PHACTR4: variants seen among roughly 807,000 people sequenced by gnomAD.
PHACTR4 encodes the protein phosphatase and actin regulator 4, also known as protein phosphatase 1, regulatory subunit 124.
PHACTR4 carries 51 observed loss-of-function variants against 72.7 expected under a neutral mutation model. That is an observed-to-expected ratio of 0.70 (90% confidence interval 0.56 to 0.89). PHACTR4 has a LOEUF of 0.89. Among genes scored for constraint, PHACTR4 ranks in the 40% least tolerant of loss-of-function variants. PHACTR4 has a pLI of 0.00. For missense variants in PHACTR4, 731 were observed against 861.8 expected (o/e 0.85, Z 1.90); for synonymous variants, 255 against 302.5 (o/e 0.84, Z 1.63).
At position 28,492,806 on chromosome 1, in the gene PHACTR4, C is replaced by G. The variant is rs532807011; in HGVS notation, c.2017-209C>G. ...CAAAACTATAAAAGCTACAATATAT[C>G]TTTCAAGATTTTCAAGTATTTTGAT... On this transcript the variant is annotated intron_variant, in intron 12 of 13. Transcript: ENST00000373839. Among the ~76,000 whole-genome samples, 42 of 152,266 alleles carry G rather than the reference C, an allele frequency of 2.8e-4. 1 individual carries two copies. The South Asian group carries it at 8.7e-3, about 32-fold the overall frequency.
At chr1:28,454,821 A>G (rs1298492165) in intron 2 of PHACTR4, among the ~76,000 whole-genome samples, 3 of 152,188 alleles carry the variant, frequency 2.0e-5, no homozygotes, top group African/African-American at 7.2e-5. Context: ...TATTTGAGAT[A>G]TATAGGAAAA....
At chr1:28,382,941 C>T (rs947858114) in intron 1 of PHACTR4, among the ~76,000 whole-genome samples, 6 of 152,036 alleles carry the variant, frequency 3.9e-5, no homozygotes, top group East Asian at 1.9e-4. Context: ...CTACAGGCCC[C>T]GCCACCATGT....
At chr1:28,375,246 C>G (rs1651554573) in intron 1 of PHACTR4, among the ~76,000 whole-genome samples, 1 of 152,012 alleles carries the variant, frequency 6.6e-6, no homozygotes, top group Non-Finnish European at 1.5e-5. Context: ...TTGCAGTGAG[C>G]AGAGATTGTG....
rs567564119 is a variant in PHACTR4, at chr1:28,476,543, AT to A, written c.1606+269del. On this transcript the variant is annotated intron_variant, in intron 8 of 13. Coordinates refer to ENST00000373839, the MANE Select transcript of PHACTR4 (RefSeq NM_001048183.3). ...AGGTTTTTTGTTTTTTTTTGTTTTA[AT>A]TTTTTTTTTTTTTTTTGGACAAGGT... 7.6e-3 allele frequency among the ~76,000 whole-genome samples: 1,013 copies of A among 133,250 alleles called. 1 individual carries two copies. Among genetic ancestry groups the A allele is most frequent in the Non-Finnish European group, 0.012 (718 of 61,296 alleles). The allele number at this position is 133,250 out of a possible 152,430, so 87.4% of individuals were successfully genotyped here.
chr1:28,438,302 C>T (rs1656763759), intron 2 of PHACTR4: 1 of 1,565,374 alleles, frequency 6.4e-7, no homozygotes, highest in Non-Finnish European at 8.7e-7. Context: ...CATGTCCCCT[C>T]TTTATGTGGA....
At chr1:28,433,923 GGCT>G (rs1287863920) in intron 2 of PHACTR4, among the ~76,000 whole-genome samples, 1 of 152,100 alleles carries the variant, frequency 6.6e-6, no homozygotes, top group Non-Finnish European at 1.5e-5. Flanking sequence ...TGGGATTACA[GGCT>G]CCCGCCACCA....
At chr1:28,459,407 T>TC (rs1451228072) in intron 3 of PHACTR4, 149 bp downstream of exon 3, 1 of 752,406 alleles carries the variant, frequency 1.3e-6, no homozygotes, top group African/African-American at 1.8e-5. Flanking sequence ...TTTTTTTTTT[T>TC]TTTTTTTTTG....
chr1:28,448,281 C>T (rs571273593), intron 2 of PHACTR4, among the ~76,000 whole-genome samples: 3 of 151,646 alleles, frequency 2.0e-5, no homozygotes, highest in African/African-American at 4.8e-5. Context: ...TTTGGGAGGT[C>T]GAAGCGGATA....
intron 2 of PHACTR4, chr1:28,457,226 GAA>G (rs748525800): frequency 3.5e-5 from 14 of 398,686 alleles, no homozygotes; most frequent in Non-Finnish European, 7.2e-5. Context: ...AAAAAAGATT[GAA>G]TTTGGCAGTT....
chr1:28,466,412 C>T lies in PHACTR4; in HGVS notation c.467C>T (p.Ala156Val), dbSNP rs773971454. Residue 156 changes from alanine (A) to valine (V), a missense_variant, in exon 6 of 14, where the codon GCA becomes GTA. By Grantham distance (64) the Ala-to-Val change is moderately conservative. Transcript: ENST00000373839. ...ACTGGAAGCCAGCCTAATTCTGAAG[C>T]AGAGTCTGTTCCTGAGAATGTACCC... is the stretch of plus-strand genomic sequence containing the variant. Reference protein sequence around the residue: ...GSTGSQPNSEAESVPENVPKP... With the variant: ...GSTGSQPNSEVESVPENVPKP... 1 of 1,612,778 alleles carries T rather than the reference C, an allele frequency of 6.2e-7. No homozygotes were observed. Among genetic ancestry groups the T allele is most frequent in the South Asian group, 1.1e-5 (1 of 91,066 alleles).
chr1:28,393,627 AT>A (rs1360130219), intron 1 of PHACTR4, among the ~76,000 whole-genome samples: 2 of 152,144 alleles, frequency 1.3e-5, no homozygotes, highest in African/African-American at 4.8e-5. Context: ...AAATGACTAT[AT>A]TACTGGTTTA....
At chr1:28,425,731 T>C (rs1039204104) in intron 2 of PHACTR4, among the ~76,000 whole-genome samples, 7 of 152,224 alleles carry the variant, frequency 4.6e-5, no homozygotes, top group African/African-American at 1.4e-4. Context: ...TCTTTCTCAC[T>C]CACTTAAAGT....
chr1:28,417,762 G>A (rs939990733), intron 2 of PHACTR4, among the ~76,000 whole-genome samples: 1 of 152,182 alleles, frequency 6.6e-6, no homozygotes, highest in African/African-American at 2.4e-5. Flanking sequence ...ATATCAATCA[G>A]TATAGCAGAG....
intron 1 of PHACTR4, among the ~76,000 whole-genome samples, chr1:28,380,051 C>CTTTTTTTT (rs1227241664): frequency 2.6e-5 from 3 of 117,294 alleles, no homozygotes; most frequent in Non-Finnish European, 5.1e-5. Context: ...TTAAATGTAA[C>CTTTTTTTT]TTTTTTTTTT....
Position 28,498,443 on chromosome 1 carries a change from CT to C in PHACTR4, c.*1895del, listed in dbSNP as rs1416208126. ...GTGCTGGGGCATTGACTCAGCCCCC[CT>C]GCTTTCTGCATTTGTAATAGATATT... On this transcript the variant is annotated 3_prime_UTR_variant, in exon 14 of 14. Coordinates refer to ENST00000373839, the MANE Select transcript of PHACTR4 (RefSeq NM_001048183.3). The C allele has an allele frequency of 6.6e-6, 1 of 152,272 alleles. No homozygotes were observed. Among genetic ancestry groups the C allele is most frequent in the African/African-American group, 2.4e-5 (1 of 41,458 alleles). The allele number at this position is 152,272 out of a possible 1,614,324, so 9.4% of individuals were successfully genotyped here. A position where few individuals can be genotyped will look rare whatever the true frequency, so the allele number is the denominator to read the frequency against.
intron 2 of PHACTR4, among the ~76,000 whole-genome samples, chr1:28,449,288 A>G (rs2124437909): frequency 6.6e-6 from 1 of 152,256 alleles, no homozygotes; most frequent in Admixed American, 6.5e-5. Context: ...CGCGCCCATT[A>G]ATAGCCACTG....
chr1:28,443,124 A>G (rs1657159957), intron 2 of PHACTR4, among the ~76,000 whole-genome samples: 1 of 151,482 alleles, frequency 6.6e-6, no homozygotes, highest in Non-Finnish European at 1.5e-5. Flanking sequence ...TGTACTTTTT[A>G]CTCCTATGAG....
chr1:28,493,210 A>T, intron 13 of PHACTR4, 119 bp downstream of exon 13: 1 of 845,074 alleles, frequency 1.2e-6, no homozygotes, highest in Non-Finnish European at 1.9e-6. Flanking sequence ...TGATTGCAAG[A>T]CTGCATTCAA....
Position 28,486,155 on chromosome 1 carries a change from G to A in PHACTR4, c.1761-3015G>A, listed in dbSNP as rs374552819. Among the ~76,000 whole-genome samples the A allele has an allele frequency of 4.7e-4, 71 of 151,940 alleles. 1 individual carries two copies. The East Asian group carries it at 0.013, about 27-fold the overall frequency. On this transcript the variant is annotated intron_variant, in intron 9 of 13. Transcript: ENST00000373839. ...GCAGATCACCTGAGGTTGGGAGTTC[G>A]AGACCAGCCTGATCAACATGGAGAA...
Sources: gnomAD v4.1 joint callset for allele counts (sites outside exome capture counted in the v4.1 genomes callset) on GRCh38, gnomAD v4.1.1 for gene constraint, MANE v1.5 for transcripts, NCBI Gene and HGNC (gene_info 2026-07-23, HGNC 2026-07-21) for gene names.